SUPT3H: variants seen among roughly 807,000 people sequenced by gnomAD.
SUPT3H encodes the protein SPT3 homolog, SAGA and STAGA complex component.
In SUPT3H, 44 loss-of-function variants were observed where a neutral mutation model predicts 44.3. That is an observed-to-expected ratio of 0.99 (90% CI 0.78 to 1.28). The LOEUF (loss-of-function observed/expected upper bound fraction) is 1.28. Ranked by LOEUF, SUPT3H falls within the 50% of genes most tolerant of loss-of-function variation. The pLI, the probability that SUPT3H is intolerant of heterozygous loss-of-function variation, is 0.00. For missense variants in SUPT3H, 380 were observed against 387.1 expected (o/e 0.98, Z 0.15); for synonymous variants, 124 against 125.6 (o/e 0.99, Z 0.09).
At chr6:45,209,746 T>C (rs1273357923) in intron 2 of SUPT3H, among the ~76,000 whole-genome samples, 4 of 152,230 alleles carry the variant, frequency 2.6e-5, no homozygotes, top group Non-Finnish European at 5.9e-5. Flanking sequence ...CTGAATCCAA[T>C]TTTGAGAGAA....
chr6:44,846,858 G>C (rs1440725950), intron 10 of SUPT3H, among the ~76,000 whole-genome samples: 2 of 152,126 alleles, frequency 1.3e-5, no homozygotes, highest in South Asian at 2.1e-4. Flanking sequence ...TCAAACTCTT[G>C]ACCTCAGGTG....
At chr6:44,866,106 CTTTTTTTTTTT>C (rs57914401) in intron 10 of SUPT3H, among the ~76,000 whole-genome samples, 12 of 126,164 alleles carry the variant, frequency 9.5e-5, no homozygotes, top group African/African-American at 3.5e-4. Context: ...CCTACATCGA[CTTTTTTTTTTT>C]TTTTTTTTTT....
At chr6:45,083,771 A>G (rs1235540546) in intron 3 of SUPT3H, among the ~76,000 whole-genome samples, 3 of 152,120 alleles carry the variant, frequency 2.0e-5, no homozygotes, top group African/African-American at 7.2e-5. Context: ...AACAGAATAG[A>G]TAAGCCAGAA....
At chr6:45,306,712 C>T (rs938847962) in intron 2 of SUPT3H, among the ~76,000 whole-genome samples, 2 of 152,176 alleles carry the variant, frequency 1.3e-5, no homozygotes, top group Non-Finnish European at 2.9e-5. Flanking sequence ...GCATGAGCGA[C>T]ACAGAAGACG....
chr6:44,974,287 A>G (rs1464552600), intron 6 of SUPT3H, among the ~76,000 whole-genome samples: 1 of 113,164 alleles, frequency 8.8e-6, no homozygotes, highest in Non-Finnish European at 1.8e-5. Flanking sequence ...AACTATATAC[A>G]CACATATATG....
intron 2 of SUPT3H, among the ~76,000 whole-genome samples, chr6:45,214,986 C>T (rs1309382039): frequency 6.6e-6 from 1 of 152,126 alleles, no homozygotes; most frequent in Non-Finnish European, 1.5e-5. Context: ...AATCAACCTA[C>T]CCCGTGGCTC....
At chr6:45,150,226 T>C (rs150090446) in intron 2 of SUPT3H, among the ~76,000 whole-genome samples, 1 of 152,282 alleles carries the variant, frequency 6.6e-6, no homozygotes, top group African/African-American at 2.4e-5. Flanking sequence ...TTCTAAAAGT[T>C]CAAAGTTTTA....
intron 10 of SUPT3H, among the ~76,000 whole-genome samples, chr6:44,864,664 C>G (rs1413769686): frequency 1.3e-5 from 2 of 152,216 alleles, no homozygotes; most frequent in African/African-American, 2.4e-5. Flanking sequence ...GTGTTGGCCC[C>G]TTTCAGCCAT....
intron 10 of SUPT3H, among the ~76,000 whole-genome samples, chr6:44,929,049 T>C (rs1770112694): frequency 6.6e-6 from 1 of 151,956 alleles, no homozygotes; most frequent in African/African-American, 2.4e-5. Flanking sequence ...GACTGATGTT[T>C]ATGCCATTCT....
intron 7 of SUPT3H, among the ~76,000 whole-genome samples, chr6:44,957,073 T>A (rs943763471): frequency 7.2e-5 from 11 of 152,298 alleles, no homozygotes; most frequent in African/African-American, 2.6e-4. Context: ...ACTAGTAACC[T>A]AGAGGGAAAG....
chr6:45,319,017 T>A (rs1412668007), intron 2 of SUPT3H, among the ~76,000 whole-genome samples: 2 of 152,166 alleles, frequency 1.3e-5, no homozygotes, highest in African/African-American at 4.8e-5. Context: ...TTTAAAAAAA[T>A]GTTCCTCTTG....
chr6:45,285,506 G>C (rs1157698617), intron 2 of SUPT3H, among the ~76,000 whole-genome samples: 4 of 151,992 alleles, frequency 2.6e-5, no homozygotes, highest in African/African-American at 7.2e-5. Context: ...GCTTCAAAGA[G>C]AATAAAATAC....
At position 44,828,200 on chromosome 6, in the gene SUPT3H, G is replaced by C. The variant is rs1233121556; in HGVS notation, c.*1616C>G. Among the ~76,000 whole-genome samples, 1 of 150,674 alleles carries C rather than the reference G, an allele frequency of 6.6e-6. No homozygotes were observed. The highest frequency in any genetic ancestry group is 2.4e-5 in the African/African-American group (1 of 41,050). On this transcript the variant is annotated 3_prime_UTR_variant, in exon 11 of 11. Transcript: ENST00000371459. ...ATCGTTTAAAAGTTAAGTTAAGTTA[G>C]GATGTTTACTGCAAGCTTGTAATTT...
At chr6:45,179,336 C>G (rs1812657544) in intron 2 of SUPT3H, among the ~76,000 whole-genome samples, 1 of 151,966 alleles carries the variant, frequency 6.6e-6, no homozygotes, top group African/African-American at 2.4e-5. Flanking sequence ...TGAAACTATT[C>G]CAATCAATAG....
chr6:44,835,278 T>C (rs1769619923), intron 10 of SUPT3H, among the ~76,000 whole-genome samples: 1 of 152,040 alleles, frequency 6.6e-6, no homozygotes, highest in Non-Finnish European at 1.5e-5. Flanking sequence ...AAAGGGACGA[T>C]AAAAAAGATT....
chr6:45,224,285 T>A (rs17288250), intron 2 of SUPT3H, among the ~76,000 whole-genome samples: 34,535 of 151,942 alleles, frequency 0.23, 4,611 homozygotes, highest in Non-Finnish European at 0.31. Flanking sequence ...ATGCATAAAA[T>A]TCTCTCAATG....
intron 2 of SUPT3H, 100 bp from the exon 3 acceptor site, chr6:45,106,106 A>G: frequency 1.9e-6 from 2 of 1,026,068 alleles, no homozygotes; most frequent in Non-Finnish European, 2.9e-6. Context: ...TAAGGAGAAC[A>G]TAAATTGTTT....
At chr6:45,177,350 G>C (rs1812146480) in intron 2 of SUPT3H, among the ~76,000 whole-genome samples, 1 of 152,166 alleles carries the variant, frequency 6.6e-6, no homozygotes, top group Non-Finnish European at 1.5e-5. Context: ...GAAATGAAGT[G>C]AGAAGGGAAG....
At chr6:45,179,578 G>A (rs551688789) in intron 2 of SUPT3H, among the ~76,000 whole-genome samples, 12 of 152,164 alleles carry the variant, frequency 7.9e-5, no homozygotes, top group East Asian at 1.9e-4. Context: ...TTCAATATAC[G>A]CAAATCAATA....
Sources: gnomAD v4.1 joint callset for allele counts (sites outside exome capture counted in the v4.1 genomes callset) on GRCh38, gnomAD v4.1.1 for gene constraint, MANE v1.5 for transcripts, NCBI Gene and HGNC (gene_info 2026-07-23, HGNC 2026-07-21) for gene names.